The following CYTH4 variants were observed in gnomAD, a reference collection of about 807,000 sequenced individuals.
CYTH4 encodes cytohesin 4, also known as cytohesin-4.
CYTH4 carries 22 observed loss-of-function variants against 57.5 expected under a neutral mutation model. The observed-to-expected ratio is 0.38, with a 90% CI of 0.27 to 0.55. CYTH4 has a LOEUF of 0.55. Ranked by LOEUF, CYTH4 falls within the 20% of genes least tolerant of loss-of-function variation. CYTH4 has a pLI of 0.74. For synonymous variants in CYTH4, 186 were observed against 206.5 expected, an observed-to-expected ratio of 0.90 and a Z score of 0.85; for missense variants, 420 against 535.6, an observed-to-expected ratio of 0.78 and a Z score of 2.13.
intron 1 of CYTH4, among the ~76,000 whole-genome samples, chr22:37,283,447 G>A (rs998967524): frequency 1.3e-5 from 2 of 152,128 alleles, no homozygotes; most frequent in Non-Finnish European, 2.9e-5. Flanking sequence ...CTAAGGGCTC[G>A]TGGGAGCTGT....
chr22:37,309,411 G>A, intron 9 of CYTH4, 88 bp downstream of exon 9: 3 of 1,177,176 alleles, frequency 2.5e-6, no homozygotes, highest in Non-Finnish European at 2.5e-6. Context: ...GGACGCACAG[G>A]CCCCCAGCTG....
rs1235521292 is a variant in CYTH4, at chr22:37,295,063, A to G, written c.167+339A>G. On this transcript the variant is annotated intron_variant, in intron 3 of 12. Coordinates refer to ENST00000248901, the MANE Select transcript of CYTH4 (RefSeq NM_013385.5). This position sits in a 1 kb window ranked among gnomAD's most constrained non-coding sequence, Gnocchi z 4.1. ...AGAAGGGAAGCTCAGCCCCAAGGGC[A>G]AGGACAAGGAAGCCCAGGGCCCCAG... 2.6e-5 allele frequency among the ~76,000 whole-genome samples: 4 copies of G among 152,178 alleles called. No homozygotes were observed. The highest frequency in any genetic ancestry group is 9.7e-5 in the African/African-American group (4 of 41,424).
rs778282635 is a variant in CYTH4 at position 37,297,677 on chromosome 22, G to T, written c.348G>T (p.Gly116=). The change falls in exon 5 of 13, where the codon GGG becomes GGT. Residue 116 remains glycine (G), a synonymous_variant. Transcript: ENST00000248901. ...LNKTAIGTYL[G]ERDPINLQVL... is the part of the protein sequence containing the mutation. ...AGACAGCCATTGGTACCTACCTGGG[G>T]GAGAGGTAAGAACGAGTGGAGCCTT... 5.6e-6 allele frequency: 9 copies of T among 1,613,326 alleles called. No homozygotes were observed. In the Admixed American group the frequency reaches 1.5e-4, roughly 27 times the overall value.
chr22:37,299,203 C>A, intron 5 of CYTH4, 23 bp from the exon 6 acceptor site: 5 of 1,539,326 alleles, frequency 3.2e-6, no homozygotes, highest in South Asian at 1.1e-5. Flanking sequence ...GTGTCCCACC[C>A]TCCCTTCCGC....
At position 37,312,026 on chromosome 22, in the gene CYTH4, C is replaced by A; in HGVS notation, c.964C>A (p.Leu322Met). The A allele has an allele frequency of 6.2e-7, 1 of 1,613,756 alleles. No individual in the cohort carries two copies. The highest frequency in any genetic ancestry group is 8.5e-7 in the Non-Finnish European group (1 of 1,179,840). ...CCTGGCCACCTCCCCACAGTTCTGCCTGGAGCTCTACAACCCTAGCTGCCG... is the reference window on the plus strand; with the variant it reads ...CCTGGCCACCTCCCCACAGTTCTGCATGGAGCTCTACAACCCTAGCTGCCG... ...KVDDPKKPFC[L>M]ELYNPSCRGQ... Residue 322 changes from leucine (L) to methionine (M), a missense_variant, in exon 12 of 13, where the codon CTG (leucine) becomes ATG (methionine). By Grantham distance (15) the Leu-to-Met change is conservative. Transcript: ENST00000248901.
chr22:37,310,462 T>G (rs112709030), intron 9 of CYTH4, among the ~76,000 whole-genome samples: 84 of 152,286 alleles, frequency 5.5e-4, no homozygotes, highest in African/African-American at 2.0e-3. Flanking sequence ...GACTAGGACA[T>G]TGGGGTTCGA....
In CYTH4 at chr22:37,294,642, G is replaced by T. The variant is rs55854421; in HGVS notation, c.103-18G>T. 1,154 of 1,613,502 alleles carry T rather than the reference G, an allele frequency of 7.2e-4. 8 individuals carry two copies. In the African/African-American group the frequency reaches 0.014, roughly 19 times the overall value. On this transcript the variant is annotated intron_variant, in intron 2 of 12. Coordinates refer to ENST00000248901, the MANE Select transcript of CYTH4 (RefSeq NM_013385.5). Reference sequence around the variant, plus strand: ...CTCCACCCCTGACTCTCCCTGTCCTGCCCCTGCCACCCCACAGAAGCTGAA... The same window carrying T: ...CTCCACCCCTGACTCTCCCTGTCCTTCCCCTGCCACCCCACAGAAGCTGAA...
chr22:37,289,540 G>A (rs896187834), intron 1 of CYTH4, among the ~76,000 whole-genome samples: 1 of 152,254 alleles, frequency 6.6e-6, no homozygotes, highest in Non-Finnish European at 1.5e-5. Flanking sequence ...ACCCACCCAT[G>A]TGGTCACGGT....
At chr22:37,288,511 G>A (rs1217919882) in intron 1 of CYTH4, among the ~76,000 whole-genome samples, 1 of 152,162 alleles carries the variant, frequency 6.6e-6, no homozygotes, top group African/African-American at 2.4e-5. Flanking sequence ...GCTTGAACCT[G>A]GGAGGCAGAG....
At position 37,311,420 on chromosome 22, in the gene CYTH4, T is replaced by G. The variant is rs771618037; in HGVS notation, c.886-36T>G. On this transcript the variant is annotated intron_variant, in intron 10 of 12. Transcript: ENST00000248901. This position sits in a 1 kb window ranked among gnomAD's most constrained non-coding sequence, Gnocchi z 4.4. ...CCTGCCTTGGGCCTCAGGGTTCCGC[T>G]TCCTGACCCTGACCTTCCTTCCCCT... 2.3e-5 allele frequency: 37 copies of G among 1,593,588 alleles called. No individual in the cohort carries two copies. The highest frequency in any genetic ancestry group is 3.0e-5 in the Non-Finnish European group (35 of 1,161,520).
At chr22:37,282,665 G>T in intron 1 of CYTH4, 77 bp downstream of exon 1, 11 of 1,299,030 alleles carry the variant, frequency 8.5e-6, no homozygotes, top group Non-Finnish European at 1.2e-5. Flanking sequence ...TGCCTCACAG[G>T]GTCCTAGATA....
At chr22:37,308,048 GACCCC>G (rs55649540) in intron 8 of CYTH4, among the ~76,000 whole-genome samples, 9,860 of 152,270 alleles carry the variant, frequency 0.065, 406 homozygotes, top group African/African-American at 0.12. Context: ...GAACTCCCCA[GACCCC>G]ACCCCGGCCC....
Position 37,295,978 on chromosome 22 carries a change from C to T in CYTH4, c.168-21C>T. The stretch of plus-strand genomic sequence containing the variant: ...ATTCAGGGTCCTGGGGCAGCCCAAG[C>T]TGACGTCCTCATGTCCACAGCCGGA... On this transcript the variant is annotated intron_variant, in intron 3 of 12. Coordinates refer to ENST00000248901, the MANE Select transcript of CYTH4 (RefSeq NM_013385.5). The surrounding 1 kb of genome is among the most constrained non-coding windows in gnomAD (Gnocchi z 4.1). 6.2e-7 allele frequency: 1 copy of T among 1,609,366 alleles called. No individual in the cohort carries two copies. Among genetic ancestry groups the T allele is most frequent in the South Asian group, 1.1e-5 (1 of 90,096 alleles).
In CYTH4 at chr22:37,291,449, C is replaced by T. The variant is rs190037186; in HGVS notation, c.20-1172C>T. Among the ~76,000 whole-genome samples, 70 of 152,300 alleles carry T rather than the reference C, an allele frequency of 4.6e-4. 1 individual carries two copies. The East Asian group carries it at 0.012, about 27-fold the overall frequency. ...ATCCTTGTAAAACCTTTAAGAAATG[C>T]GGCCAGGCACTTCCCGACGCTGGAA... On this transcript the variant is annotated intron_variant, in intron 1 of 12. Transcript: ENST00000248901.
At chr22:37,310,923 C>G in intron 9 of CYTH4, 65 bp from the exon 10 acceptor site, 1 of 1,574,324 alleles carries the variant, frequency 6.4e-7, no homozygotes, top group Non-Finnish European at 8.7e-7. Flanking sequence ...ACCTGCCCTT[C>G]CCTGGAGGAG....
rs527975062 is a variant in CYTH4, at chr22:37,292,309, T to C, written c.20-312T>C. 4 of 348,234 alleles carry C rather than the reference T, an allele frequency of 1.1e-5. No individual in the cohort carries two copies. The East Asian group carries it at 1.5e-4, about 13-fold the overall frequency. The allele number at this position is 348,234 out of a possible 1,614,324, so 21.6% of individuals were successfully genotyped here. ...TTTCTAGGTGCTGGGGACACAGTAG[T>C]GAGCAAAAGAGTAGAACAACTGAAC... On this transcript the variant is annotated intron_variant, in intron 1 of 12. Coordinates refer to ENST00000248901, the MANE Select transcript of CYTH4 (RefSeq NM_013385.5).
At chr22:37,297,928 T>C in intron 5 of CYTH4, 1 of 386,740 alleles carries the variant, frequency 2.6e-6, no homozygotes, top group East Asian at 5.3e-5. Flanking sequence ...TCCTAAGCCC[T>C]GGGTGTACAC....
rs1401823230 is a variant in CYTH4 at position 37,295,047 on chromosome 22, G to A, written c.167+323G>A. Among the ~76,000 whole-genome samples the A allele has an allele frequency of 6.6e-6, 1 of 152,056 alleles. No homozygotes were observed. Among genetic ancestry groups the A allele is most frequent in the Non-Finnish European group, 1.5e-5 (1 of 68,006 alleles). On this transcript the variant is annotated intron_variant, in intron 3 of 12. Coordinates refer to ENST00000248901, the MANE Select transcript of CYTH4 (RefSeq NM_013385.5). The surrounding 1 kb of genome is among the most constrained non-coding windows in gnomAD (Gnocchi z 4.1). ...CCTGGGATGGGCGGGGAGAAGGGAA[G>A]CTCAGCCCCAAGGGCAAGGACAAGG...
Position 37,314,050 on chromosome 22 carries a change from G to C in CYTH4, c.*539G>C. 3.3e-6 allele frequency: 1 copy of C among 299,298 alleles called. No homozygotes were observed. Among genetic ancestry groups the C allele is most frequent in the Non-Finnish European group, 6.1e-6 (1 of 162,808 alleles). The allele number at this position is 299,298 out of a possible 1,614,324, so 18.5% of individuals were successfully genotyped here. On this transcript the variant is annotated 3_prime_UTR_variant, in exon 13 of 13. Transcript: ENST00000248901. ...ACACACAGCTCAGACCCACGGACAG[G>C]ACCCCGGGACAGAACCCCGGGAGCA...
Sources: allele counts gnomAD v4.1 joint callset (sites outside exome capture counted in the v4.1 genomes callset), GRCh38; gene constraint gnomAD v4.1.1; non-coding constraint Gnocchi (gnomAD v3.1); transcripts MANE v1.5; gene names NCBI Gene and HGNC (gene_info 2026-07-23, HGNC 2026-07-21).